ITGA6: variants seen among roughly 807,000 people sequenced by gnomAD.
ITGA6 encodes the protein integrin subunit alpha 6, also known as integrin alpha-6.
A neutral mutation model predicts 133.6 loss-of-function variants in ITGA6; 63 were observed. That is an observed-to-expected ratio of 0.47 (90% CI 0.38 to 0.58). The LOEUF (loss-of-function observed/expected upper bound fraction) is 0.58, where lower values mean the gene tolerates loss of function less well. Among genes scored for constraint, ITGA6 ranks in the 20% least tolerant of loss-of-function variants. The probability of loss-of-function intolerance (pLI) is 0.00; values close to 1 mark genes in which losing one functional copy is unlikely to be tolerated. For synonymous variants in ITGA6, 434 were observed against 482.0 expected, an observed-to-expected ratio of 0.90 and a Z score of 1.30; for missense variants, 1,068 against 1,309.4, an observed-to-expected ratio of 0.82 and a Z score of 2.85.
chr2:172,505,935 T>TGACA lies in ITGA6; in HGVS notation c.*1869_*1872dup, dbSNP rs1414808849. ...CTAGATTGCTAAGGAGCTGATACTT[T>TGACA]GACAGTGTTTTTAGACCTGTGTTAC... On this transcript the variant is annotated 3_prime_UTR_variant, in exon 26 of 26. Coordinates refer to ENST00000684293, the MANE Select transcript of ITGA6 (RefSeq NM_000210.4). 1 of 152,562 alleles carries TGACA rather than the reference T, an allele frequency of 6.6e-6. No homozygotes were observed. The highest frequency in any genetic ancestry group is 1.5e-5 in the Non-Finnish European group (1 of 68,024). The allele number at this position is 152,562 out of a possible 1,614,324, so 9.5% of individuals were successfully genotyped here.
chr2:172,443,495 T>C (rs530309359), intron 1 of ITGA6, among the ~76,000 whole-genome samples: 1 of 152,208 alleles, frequency 6.6e-6, no homozygotes, highest in Admixed American at 6.5e-5. Context: ...CGGCTGATTC[T>C]GGAGGAGTGG....
intron 6 of ITGA6, 33 bp from the exon 7 acceptor site, chr2:172,474,896 G>T (rs1204912010): frequency 1.8e-6 from 2 of 1,107,606 alleles, no homozygotes; most frequent in Non-Finnish European, 2.8e-6. Flanking sequence ...TTAGCTGTTG[G>T]TTCACGGCTC....
At chr2:172,474,784 GT>G in intron 6 of ITGA6, 144 bp from the exon 7 acceptor site, 1 of 691,816 alleles carries the variant, frequency 1.4e-6, no homozygotes, top group East Asian at 2.7e-5. Context: ...GGCTACCTTG[GT>G]TTTTAAAAAA....
intron 9 of ITGA6, among the ~76,000 whole-genome samples, chr2:172,478,561 C>T (rs1408404491): frequency 1.3e-5 from 2 of 152,142 alleles, no homozygotes; most frequent in Admixed American, 6.5e-5. Context: ...GGCCACAGAC[C>T]CGTGGAGACC....
At chr2:172,478,896 GT>G (rs1686298259) in intron 9 of ITGA6, among the ~76,000 whole-genome samples, 1 of 152,128 alleles carries the variant, frequency 6.6e-6, no homozygotes, top group Admixed American at 6.5e-5. Flanking sequence ...TTCACATACT[GT>G]AGACACGCTG....
chr2:172,441,558 TTAAAAAAAAAAAA>T (rs1171861933), intron 1 of ITGA6, among the ~76,000 whole-genome samples: 1,703 of 64,840 alleles, frequency 0.026, 69 homozygotes, highest in African/African-American at 0.098. Flanking sequence ...CGCTGTCTCT[TTAAAAAAAAAAAA>T]AAAAAAAAAA....
In ITGA6 at chr2:172,484,755, C is replaced by T. The variant is rs745802603; in HGVS notation, c.1550-27C>T. ...GCTGGATTGTGCATGAATGCACTTA[C>T]GTTAATATGATTTTAATTTTATCTA... On this transcript the variant is annotated intron_variant, in intron 11 of 25. Coordinates refer to ENST00000684293, the MANE Select transcript of ITGA6 (RefSeq NM_000210.4). 82 of 1,603,100 alleles carry T rather than the reference C, an allele frequency of 5.1e-5. No homozygotes were observed. The East Asian group carries it at 9.8e-4, about 19-fold the overall frequency.
rs538092095 is a variant in ITGA6 at position 172,471,214 on chromosome 2, G to C, written c.775+109G>C. The stretch of plus-strand genomic sequence containing the variant: ...GACTTCTAGGCTGAGAAGAGGCCAG[G>C]TGGGGCCGGGCCACTTTTGCTGGAA... On this transcript the variant is annotated intron_variant, in intron 5 of 25. Transcript: ENST00000684293. The C allele has an allele frequency of 5.0e-5, 65 of 1,294,508 alleles. No homozygotes were observed. In the African/African-American group the frequency reaches 8.7e-4, roughly 17 times the overall value. The allele number at this position is 1,294,508 out of a possible 1,614,324, so 80.2% of individuals were successfully genotyped here.
intron 4 of ITGA6, among the ~76,000 whole-genome samples, chr2:172,469,841 CTAA>C (rs1461573256): frequency 6.6e-6 from 1 of 152,072 alleles, no homozygotes; most frequent in African/African-American, 2.4e-5. Context: ...CCATGCTTTG[CTAA>C]TAATTCAGTA....
intron 25 of ITGA6, among the ~76,000 whole-genome samples, chr2:172,502,684 A>G: frequency 6.6e-6 from 1 of 152,172 alleles, no homozygotes; most frequent in East Asian, 1.9e-4. Flanking sequence ...ACCATATTTC[A>G]TGTATCCAGA....
intron 1 of ITGA6, among the ~76,000 whole-genome samples, chr2:172,459,821 T>A (rs1229246007): frequency 1.3e-5 from 2 of 152,176 alleles, no homozygotes; most frequent in Non-Finnish European, 2.9e-5. Flanking sequence ...CATGATCCTG[T>A]GTAGCAGGCC....
chr2:172,442,296 T>G (rs1684578419), intron 1 of ITGA6, among the ~76,000 whole-genome samples: 1 of 152,200 alleles, frequency 6.6e-6, no homozygotes, highest in African/African-American at 2.4e-5. Flanking sequence ...CCCAGGCAGG[T>G]TGAGGAGTGC....
intron 11 of ITGA6, 65 bp from the exon 12 acceptor site, chr2:172,484,717 C>A: frequency 7.4e-7 from 1 of 1,349,348 alleles, no homozygotes; most frequent in South Asian, 1.2e-5. Context: ...AAAAGGAGTT[C>A]AACATGCTTG....
chr2:172,480,521 C>T (rs76202718), intron 11 of ITGA6, among the ~76,000 whole-genome samples: 13,207 of 152,166 alleles, frequency 0.087, 775 homozygotes, highest in Middle Eastern at 0.15. Flanking sequence ...CCGGAACACC[C>T]GCCCTGTGTT....
At chr2:172,473,847 G>A (rs1686048853) in intron 5 of ITGA6, among the ~76,000 whole-genome samples, 2 of 152,120 alleles carry the variant, frequency 1.3e-5, no homozygotes, top group Non-Finnish European at 2.9e-5. Flanking sequence ...AATATCCATA[G>A]AAAGCAGTAA....
At chr2:172,465,793 T>G in intron 2 of ITGA6, 130 bp downstream of exon 2, 1 of 1,266,672 alleles carries the variant, frequency 7.9e-7, no homozygotes, top group Non-Finnish European at 1.1e-6. Flanking sequence ...GACTTGACTG[T>G]TTTTTATTTG....
chr2:172,491,153 G>C lies in ITGA6; in HGVS notation c.2778+31G>C, dbSNP rs1330921003. ...TATTTTTCAAGAGCTGTGAATATTTGAGAGGATGAGGGGAAGGATTTCTTC... is the reference window on the plus strand; with the variant it reads ...TATTTTTCAAGAGCTGTGAATATTTCAGAGGATGAGGGGAAGGATTTCTTC... On this transcript the variant is annotated intron_variant, in intron 21 of 25. Coordinates refer to ENST00000684293, the MANE Select transcript of ITGA6 (RefSeq NM_000210.4). This position sits in a 1 kb window ranked among gnomAD's most constrained non-coding sequence, Gnocchi z 4.4. 1 of 1,415,122 alleles carries C rather than the reference G, an allele frequency of 7.1e-7. No individual in the cohort carries two copies. The allele number at this position is 1,415,122 out of a possible 1,614,324, so 87.7% of individuals were successfully genotyped here.
At chr2:172,503,683 G>T (rs1480079743) in intron 25 of ITGA6, 2 of 152,740 alleles carry the variant, frequency 1.3e-5, no homozygotes, top group African/African-American at 4.8e-5. Flanking sequence ...TTATTAGTGG[G>T]AAAGGGGCAT....
rs189916116 is a variant in ITGA6 at position 172,472,082 on chromosome 2, G to A, written c.775+977G>A. 5.3e-3 allele frequency among the ~76,000 whole-genome samples: 807 copies of A among 152,346 alleles called. 5 individuals are homozygous for A. Among genetic ancestry groups the A allele is most frequent in the Non-Finnish European group, 8.3e-3 (567 of 68,032 alleles). ...CACGCCTATAATCCCAACACTTCGGGAGGCTGAGGCAGGCGGATTACTTGA... is the reference window on the plus strand; with the variant it reads ...CACGCCTATAATCCCAACACTTCGGAAGGCTGAGGCAGGCGGATTACTTGA... On this transcript the variant is annotated intron_variant, in intron 5 of 25. Transcript: ENST00000684293.
Sources: allele counts gnomAD v4.1 joint callset (sites outside exome capture counted in the v4.1 genomes callset), GRCh38; gene constraint gnomAD v4.1.1; non-coding constraint Gnocchi (gnomAD v3.1); transcripts MANE v1.5; gene names NCBI Gene and HGNC (gene_info 2026-07-23, HGNC 2026-07-21).